Variants in KCNN4 observed in about 807,000 individuals in gnomAD.
KCNN4 encodes the protein intermediate conductance calcium-activated potassium channel protein 4.
KCNN4 carries 31 observed loss-of-function variants against 45.2 expected under a neutral mutation model. The observed-to-expected ratio is 0.69, with a 90% CI of 0.52 to 0.92. The LOEUF (loss-of-function observed/expected upper bound fraction) is 0.92. Ranked by LOEUF, KCNN4 falls within the 40% of genes least tolerant of loss-of-function variation. KCNN4 has a pLI of 0.00. For missense variants in KCNN4, 463 were observed against 574.0 expected (o/e 0.81, Z 1.98); for synonymous variants, 231 against 254.6 (o/e 0.91, Z 0.88).
intron 4 of KCNN4, among the ~76,000 whole-genome samples, chr19:43,771,365 A>C (rs1195185237): frequency 6.6e-6 from 1 of 152,156 alleles, no homozygotes; most frequent in African/African-American, 2.4e-5. Flanking sequence ...CCATTTAATC[A>C]TCTCAGCAAG....
rs902397648 is a variant in KCNN4, at chr19:43,774,690, T to A, written c.256-71A>T. The A allele has an allele frequency of 3.0e-6, 4 of 1,339,574 alleles. No homozygotes were observed. Among genetic ancestry groups the A allele is most frequent in the Admixed American group, 6.3e-5 (2 of 31,948 alleles). 83.0% of individuals were successfully genotyped at this position (1,339,574 alleles called of 1,614,324 possible). On this transcript the variant is annotated intron_variant, in intron 2 of 8. Transcript: ENST00000648319. This position sits in a 1 kb window ranked among gnomAD's most constrained non-coding sequence, Gnocchi z 5.6. ...CGCAGGTCAGGCGGCGGCCCGCGCC[T>A]GCCTGCGCCCTGAGATAAGTGGGGT...
At position 43,772,476 on chromosome 19, in the gene KCNN4, T is replaced by C. The variant is rs10415593; in HGVS notation, c.684-341A>G. 6.6e-6 allele frequency among the ~76,000 whole-genome samples: 1 copy of C among 151,752 alleles called. No homozygotes were observed. The highest frequency in any genetic ancestry group is 2.4e-5 in the African/African-American group (1 of 41,282). Reference sequence around the variant, plus strand: ...CGTGTGGTTGAGGGTGGAGAGTCGATAGGGGGCCAAAACCCAGTCAGACCC... The same window carrying C: ...CGTGTGGTTGAGGGTGGAGAGTCGACAGGGGGCCAAAACCCAGTCAGACCC... On this transcript the variant is annotated intron_variant, in intron 3 of 8. Transcript: ENST00000648319. The surrounding 1 kb of genome is among the most constrained non-coding windows in gnomAD (Gnocchi z 4.4).
chr19:43,775,335 C>A (rs992238637), intron 2 of KCNN4, among the ~76,000 whole-genome samples: 1 of 152,160 alleles, frequency 6.6e-6, no homozygotes, highest in African/African-American at 2.4e-5. Context: ...TCAAAATAAA[C>A]AAAACAATAA....
At position 43,776,641 on chromosome 19, in the gene KCNN4, CA is replaced by C. The variant is rs759028838; in HGVS notation, c.160-6del. On this transcript the variant is annotated splice_region_variant and splice_polypyrimidine_tract_variant and intron_variant, in intron 1 of 8. Coordinates refer to ENST00000648319, the MANE Select transcript of KCNN4 (RefSeq NM_002250.3). ...CAGGAACAGGTAGAGCGCCCACTGTCAGGGGGGACGGAAAAAGCGGTGTGAG... is the reference window on the plus strand; with the variant it reads ...CAGGAACAGGTAGAGCGCCCACTGTCGGGGGGACGGAAAAAGCGGTGTGAG... 1.1e-5 allele frequency: 18 copies of C among 1,602,050 alleles called. No homozygotes were observed. Among genetic ancestry groups the C allele is most frequent in the South Asian group, 8.8e-5 (8 of 90,842 alleles).
chr19:43,774,548 C>A lies in KCNN4; in HGVS notation c.327G>T (p.Val109=). The part of the protein sequence containing the change: ...ALTGRQAAQI[V]LELVVCGLHP... ...GCAGCCCACACACCACCAGCTCCAGCACGATCTGCGCCGCCTGCCGCCCGG... is the reference window on the plus strand; with the variant it reads ...GCAGCCCACACACCACCAGCTCCAGAACGATCTGCGCCGCCTGCCGCCCGG... Residue 109 remains valine (V), a synonymous_variant, in exon 3 of 9, where the codon GTG becomes GTT. Coordinates refer to ENST00000648319, the MANE Select transcript of KCNN4 (RefSeq NM_002250.3). This position sits in a 1 kb window ranked among gnomAD's most constrained non-coding sequence, Gnocchi z 5.6. 6.3e-7 allele frequency: 1 copy of A among 1,580,610 alleles called. No individual in the cohort carries two copies. The highest frequency in any genetic ancestry group is 8.5e-7 in the Non-Finnish European group (1 of 1,169,884).
intron 1 of KCNN4, among the ~76,000 whole-genome samples, chr19:43,780,315 G>C (rs1349762479): frequency 6.6e-6 from 1 of 151,376 alleles, no homozygotes; most frequent in African/African-American, 2.4e-5. Flanking sequence ...CCCAGCCAAA[G>C]CCCCTCCTCC....
intron 1 of KCNN4, 69 bp downstream of exon 1, chr19:43,780,634 G>A (rs923861294): frequency 6.0e-5 from 31 of 516,240 alleles, no homozygotes; most frequent in Non-Finnish European, 9.2e-5. Context: ...AGACCCAAGA[G>A]TCCTGACCCC....
In KCNN4 at chr19:43,772,208, ATACCCTCCCATCCCCTTCCCTCTGG is replaced by A. The variant is rs201347458; in HGVS notation, c.684-98_684-74del. Reference sequence around the variant, plus strand: ...CATGATATTCACTCCCCTTCCCTCTATACCCTCCCATCCCCTTCCCTCTGGTTCCCTCCCTTCCCCTCCCAGTATA... The same window carrying A: ...CATGATATTCACTCCCCTTCCCTCTATTCCCTCCCTTCCCCTCCCAGTATA... On this transcript the variant is annotated intron_variant, in intron 3 of 8. Transcript: ENST00000648319. The surrounding 1 kb of genome is among the most constrained non-coding windows in gnomAD (Gnocchi z 4.4). The A allele has an allele frequency of 3.6e-4, 558 of 1,547,484 alleles. 5 individuals carry two copies. In the East Asian group the frequency reaches 0.011, roughly 31 times the overall value.
At position 43,769,890 on chromosome 19, in the gene KCNN4, C is replaced by T. The variant is rs2146443227; in HGVS notation, c.820-61G>A. 8.6e-7 allele frequency: 1 copy of T among 1,161,724 alleles called. No individual in the cohort carries two copies. 72.0% of individuals were successfully genotyped at this position (1,161,724 alleles called of 1,614,324 possible). On this transcript the variant is annotated intron_variant, in intron 4 of 8. Transcript: ENST00000648319. The surrounding 1 kb of genome is among the most constrained non-coding windows in gnomAD (Gnocchi z 4.4). ...GCCACCGACTCCCTCCTTGAACCCG[C>T]CCAACAGCCACAGACGGTAGGCACG...
Position 43,769,459 on chromosome 19 carries a change from C to T in KCNN4, c.1032G>A (p.Leu344=). The T allele has an allele frequency of 6.2e-7, 1 of 1,614,174 alleles. No homozygotes were observed. Among genetic ancestry groups the T allele is most frequent in the Non-Finnish European group, 8.5e-7 (1 of 1,180,014 alleles). The change falls in exon 6 of 9, where the codon CTG becomes CTA. Residue 344 remains leucine (L), a synonymous_variant. Transcript: ENST00000648319. This position sits in a 1 kb window ranked among gnomAD's most constrained non-coding sequence, Gnocchi z 4.4. ...GCCCTCACGCGTTGATGGCGGCCAG[C>T]AGCTTGCGCTGATGCCTGCGGGCAG... ...SHAARRHQRK[L]LAAINAFRQV...
rs1328005782 is a variant in KCNN4 at position 43,774,887 on chromosome 19, T to C, written c.256-268A>G. Among the ~76,000 whole-genome samples the C allele has an allele frequency of 6.6e-6, 1 of 152,170 alleles. No homozygotes were observed. Among genetic ancestry groups the C allele is most frequent in the African/African-American group, 2.4e-5 (1 of 41,420 alleles). ...ACTGACTGAGCGCCGACTGTGTGCC[T>C]GACATTGTTCTATGTGCTAAGGATA... is the stretch of plus-strand genomic sequence containing the variant. On this transcript the variant is annotated intron_variant, in intron 2 of 8. Coordinates refer to ENST00000648319, the MANE Select transcript of KCNN4 (RefSeq NM_002250.3). This position sits in a 1 kb window ranked among gnomAD's most constrained non-coding sequence, Gnocchi z 5.6.
In KCNN4 at chr19:43,774,118, G is replaced by T; in HGVS notation, c.683+74C>A. The T allele has an allele frequency of 6.9e-7, 1 of 1,450,158 alleles. No individual in the cohort carries two copies. Among genetic ancestry groups the T allele is most frequent in the Non-Finnish European group, 9.3e-7 (1 of 1,070,648 alleles). 89.8% of individuals were successfully genotyped at this position (1,450,158 alleles called of 1,614,324 possible). On this transcript the variant is annotated intron_variant, in intron 3 of 8. Transcript: ENST00000648319. This position sits in a 1 kb window ranked among gnomAD's most constrained non-coding sequence, Gnocchi z 5.6. ...GCTTGGTCCTAGGGGGCCTCAACCT[G>T]CACCGCGGCACAGGACGGCCGCCGT...
Position 43,773,418 on chromosome 19 carries a change from A to G in KCNN4, c.683+774T>C, listed in dbSNP as rs561208259. 3.3e-5 allele frequency among the ~76,000 whole-genome samples: 5 copies of G among 152,340 alleles called. No individual in the cohort carries two copies. The South Asian group carries it at 1.0e-3, about 32-fold the overall frequency. ...TCTTCTCATTCTCCTCCTGCCCTGA[A>G]GGATCTTTGCCACATACACTAGACC... On this transcript the variant is annotated intron_variant, in intron 3 of 8. Transcript: ENST00000648319.
Position 43,780,759 on chromosome 19 carries a change from T to C in KCNN4, c.103A>G (p.Thr35Ala). 6.2e-7 allele frequency: 1 copy of C among 1,613,698 alleles called. No homozygotes were observed. The highest frequency in any genetic ancestry group is 1.1e-5 in the South Asian group (1 of 91,032). ...LAGWALVLAG[T>A]GIGLMVLHAE... Reference sequence around the variant, plus strand: ...TGCAGCACCATGAGTCCAATGCCAGTTCCTGCCAGCACCAGTGCCCAGCCG... The same window carrying C: ...TGCAGCACCATGAGTCCAATGCCAGCTCCTGCCAGCACCAGTGCCCAGCCG... Residue 35 changes from threonine (T) to alanine (A), a missense_variant, in exon 1 of 9, where the codon ACT becomes GCT. Transcript: ENST00000648319.
In KCNN4 at chr19:43,774,058, G is replaced by A. The variant is rs992843536; in HGVS notation, c.683+134C>T. 3 of 950,732 alleles carry A rather than the reference G, an allele frequency of 3.2e-6. No individual in the cohort carries two copies. The highest frequency in any genetic ancestry group is 3.3e-5 in the African/African-American group (2 of 60,034). 58.9% of individuals were successfully genotyped at this position (950,732 alleles called of 1,614,324 possible). A position where few individuals can be genotyped will look rare whatever the true frequency, so the allele number is the denominator to read the frequency against. ...AGTGTGGGCAAATTTCAGCCAGCAA[G>A]AGGAGAAGGGGTCAAAGTGTGAACT... is the stretch of plus-strand genomic sequence containing the variant. On this transcript the variant is annotated intron_variant, in intron 3 of 8. Transcript: ENST00000648319. The surrounding 1 kb of genome is among the most constrained non-coding windows in gnomAD (Gnocchi z 5.6).
At chr19:43,770,894 C>T (rs796511353) in intron 4 of KCNN4, among the ~76,000 whole-genome samples, 5 of 152,138 alleles carry the variant, frequency 3.3e-5, no homozygotes, top group South Asian at 2.1e-4. Flanking sequence ...AGGTCCTGAG[C>T]GGTGCTGCAG....
At position 43,772,189 on chromosome 19, in the gene KCNN4, A is replaced by C; in HGVS notation, c.684-54T>G. 1 of 1,595,194 alleles carries C rather than the reference A, an allele frequency of 6.3e-7. No homozygotes were observed. Among genetic ancestry groups the C allele is most frequent in the Non-Finnish European group, 8.5e-7 (1 of 1,170,894 alleles). On this transcript the variant is annotated intron_variant, in intron 3 of 8. Coordinates refer to ENST00000648319, the MANE Select transcript of KCNN4 (RefSeq NM_002250.3). This position sits in a 1 kb window ranked among gnomAD's most constrained non-coding sequence, Gnocchi z 4.4. ...ACCCCACCATAGAGGTTTCCATGAT[A>C]TTCACTCCCCTTCCCTCTATACCCT... is the stretch of plus-strand genomic sequence containing the variant.
Position 43,769,656 on chromosome 19 carries a change from G to GAGTCCA in KCNN4, c.930+62_930+63insTGGACT. On this transcript the variant is annotated intron_variant, in intron 5 of 8. Coordinates refer to ENST00000648319, the MANE Select transcript of KCNN4 (RefSeq NM_002250.3). The surrounding 1 kb of genome is among the most constrained non-coding windows in gnomAD (Gnocchi z 4.4). Reference sequence around the variant, plus strand: ...GACTCTTGGGTCCTAGGGGAAGCAGGGGCGCCTGGACTCCTGCTTCTTGGA... The same window carrying GAGTCCA: ...GACTCTTGGGTCCTAGGGGAAGCAGGAGTCCAGGCGCCTGGACTCCTGCTTCTTGGA... The GAGTCCA allele has an allele frequency of 6.4e-7, 1 of 1,561,516 alleles. No homozygotes were observed. Among genetic ancestry groups the GAGTCCA allele is most frequent in the Non-Finnish European group, 8.8e-7 (1 of 1,133,446 alleles).
intron 1 of KCNN4, among the ~76,000 whole-genome samples, chr19:43,777,176 C>T (rs1045649678): frequency 2.6e-5 from 4 of 152,194 alleles, no homozygotes; most frequent in African/African-American, 7.2e-5. Context: ...CAACCCTGTC[C>T]AGATGCTGGT....
Sources: allele counts gnomAD v4.1 joint callset (sites outside exome capture counted in the v4.1 genomes callset), GRCh38; gene constraint gnomAD v4.1.1; non-coding constraint Gnocchi (gnomAD v3.1); transcripts MANE v1.5; gene names NCBI Gene and HGNC (gene_info 2026-07-23, HGNC 2026-07-21).